The following PDE4D variants were observed in gnomAD, a reference collection of about 807,000 sequenced individuals.
PDE4D encodes phosphodiesterase 4D.
A neutral mutation model predicts 87.4 loss-of-function variants in PDE4D; 24 were observed. The observed-to-expected ratio is 0.27, with a 90% CI of 0.20 to 0.39. PDE4D has a LOEUF of 0.39. Among genes scored for constraint, PDE4D ranks in the 10% least tolerant of loss-of-function variants. PDE4D has a pLI of 1.00. For missense variants in PDE4D, 714 were observed against 1,041.0 expected, an observed-to-expected ratio of 0.69 and a Z score of 4.32; for synonymous variants, 384 against 383.2, an observed-to-expected ratio of 1.00 and a Z score of -0.02.
Position 59,140,746 on chromosome 5 carries a change from T to C in PDE4D, c.808+39849A>G, listed in dbSNP as rs184486408. Among the ~76,000 whole-genome samples the C allele has an allele frequency of 2.3e-3, 348 of 152,308 alleles. 1 individual carries two copies. The highest frequency in any genetic ancestry group is 3.3e-3 in the Non-Finnish European group (222 of 68,030). ...GTGATTGTACCAGAGGGTCAATATT[T>C]TGAGATGGCAAGCACACATTCTTAT... On this transcript the variant is annotated intron_variant, in intron 5 of 14. Transcript: ENST00000340635.
chr5:59,101,709 C>CTT (rs34308828), intron 5 of PDE4D, among the ~76,000 whole-genome samples: 9 of 145,404 alleles, frequency 6.2e-5, no homozygotes, highest in East Asian at 4.0e-4. Context: ...TAATAATCAA[C>CTT]TTTTTTTTTT....
At chr5:59,456,635 C>T (rs1799971458) in intron 1 of PDE4D, among the ~76,000 whole-genome samples, 1 of 152,154 alleles carries the variant, frequency 6.6e-6, no homozygotes, top group African/African-American at 2.4e-5. Flanking sequence ...GGGAAGGCTA[C>T]TTTCTACAGT....
chr5:59,764,767 T>C (rs577712550), intron 1 of PDE4D, among the ~76,000 whole-genome samples: 1 of 150,002 alleles, frequency 6.7e-6, no homozygotes, highest in South Asian at 2.1e-4. Flanking sequence ...GTGATTCTCG[T>C]GCCTCAGCCT....
intron 1 of PDE4D, among the ~76,000 whole-genome samples, chr5:59,814,485 A>G (rs1308282642): frequency 2.6e-5 from 4 of 152,212 alleles, no homozygotes; most frequent in Non-Finnish European, 5.9e-5. Flanking sequence ...CATGTCTAGA[A>G]TATGATGAAA....
intron 3 of PDE4D, among the ~76,000 whole-genome samples, chr5:59,944,484 T>C (rs932039071): frequency 6.6e-5 from 10 of 152,210 alleles, no homozygotes; most frequent in Non-Finnish European, 1.2e-4. Flanking sequence ...GCCATTCTCC[T>C]GCCTCACCTC....
At chr5:59,587,732 T>C in intron 1 of PDE4D, 1 of 397,012 alleles carries the variant, frequency 2.5e-6, no homozygotes, top group Non-Finnish European at 3.4e-6. Flanking sequence ...GCGCACTCCT[T>C]GCTAACCTCC....
chr5:60,464,147 C>T (rs1326249594), intron 1 of PDE4D, among the ~76,000 whole-genome samples: 1 of 151,892 alleles, frequency 6.6e-6, no homozygotes, highest in Non-Finnish European at 1.5e-5. Flanking sequence ...CTCCAGGAAG[C>T]CATGTAATTT....
chr5:59,393,771 A>G (rs1037586189), intron 1 of PDE4D, among the ~76,000 whole-genome samples: 2 of 152,218 alleles, frequency 1.3e-5, no homozygotes, highest in Non-Finnish European at 2.9e-5. Context: ...CTCATCTTCA[A>G]TCAAGGGCAG....
At chr5:60,469,242 C>A (rs769502003) in intron 1 of PDE4D, among the ~76,000 whole-genome samples, 1 of 152,120 alleles carries the variant, frequency 6.6e-6, no homozygotes, top group Non-Finnish European at 1.5e-5. Context: ...AAAGAATGGC[C>A]AAGTCCTTCT....
chr5:59,500,674 T>C (rs1379746516), intron 1 of PDE4D, among the ~76,000 whole-genome samples: 1 of 152,138 alleles, frequency 6.6e-6, no homozygotes, highest in Non-Finnish European at 1.5e-5. Flanking sequence ...ACGTGGGCAG[T>C]GGGATCATTA....
intron 2 of PDE4D, among the ~76,000 whole-genome samples, chr5:60,161,504 T>C (rs1782473235): frequency 6.6e-6 from 1 of 152,138 alleles, no homozygotes; most frequent in Non-Finnish European, 1.5e-5. Context: ...ACATTTCACT[T>C]GAAAACGGTC....
intron 5 of PDE4D, among the ~76,000 whole-genome samples, chr5:59,139,540 T>C (rs1452658030): frequency 2.6e-5 from 4 of 152,138 alleles, no homozygotes; most frequent in African/African-American, 9.7e-5. Flanking sequence ...TAGGCTGGAG[T>C]GCAGTGGAGC....
chr5:59,927,935 CT>C (rs1755468682), intron 3 of PDE4D, among the ~76,000 whole-genome samples: 1 of 152,144 alleles, frequency 6.6e-6, no homozygotes, highest in African/African-American at 2.4e-5. Context: ...ATGTTATGAG[CT>C]GATTTCTTAA....
chr5:59,214,835 T>C (rs1314019521), intron 2 of PDE4D, among the ~76,000 whole-genome samples: 2 of 152,208 alleles, frequency 1.3e-5, no homozygotes, highest in Admixed American at 1.3e-4. Flanking sequence ...TGTAGACCTA[T>C]TGCAATACAA....
At chr5:60,354,715 T>A (rs1759471612) in intron 1 of PDE4D, among the ~76,000 whole-genome samples, 1 of 152,126 alleles carries the variant, frequency 6.6e-6, no homozygotes, top group Non-Finnish European at 1.5e-5. Context: ...TACTAGGACG[T>A]TTTTCTGGCT....
intron 1 of PDE4D, among the ~76,000 whole-genome samples, chr5:59,596,656 A>G (rs1187868201): frequency 1.3e-5 from 2 of 152,090 alleles, no homozygotes; most frequent in Non-Finnish European, 2.9e-5. Context: ...CTCTATACCA[A>G]ACATGATTAC....
At chr5:59,217,581 T>C (rs2153507179) in intron 1 of PDE4D, among the ~76,000 whole-genome samples, 1 of 152,242 alleles carries the variant, frequency 6.6e-6, no homozygotes, top group East Asian at 1.9e-4. Context: ...TATAGATATA[T>C]TTATTTGGTT....
chr5:60,056,373 G>A (rs917774882), intron 2 of PDE4D, among the ~76,000 whole-genome samples: 5 of 152,088 alleles, frequency 3.3e-5, no homozygotes, highest in African/African-American at 1.2e-4. Context: ...GTCATAATGT[G>A]AATGATGAAG....
intron 1 of PDE4D, among the ~76,000 whole-genome samples, chr5:60,219,694 A>C (rs1744270885): frequency 6.6e-6 from 1 of 152,204 alleles, no homozygotes; most frequent in Admixed American, 6.5e-5. Context: ...CAGTGGTTCT[A>C]AACCTCAAAA....
Sources: allele counts gnomAD v4.1 joint callset (sites outside exome capture counted in the v4.1 genomes callset), GRCh38; gene constraint gnomAD v4.1.1; transcripts MANE v1.5; gene names NCBI Gene and HGNC (gene_info 2026-07-23, HGNC 2026-07-21).